Variants in CFAP47 observed in about 807,000 individuals in gnomAD.
The protein encoded by CFAP47 is cilia and flagella associated protein 47, also known as cilia- and flagella-associated protein 47.
A neutral mutation model predicts 148.1 loss-of-function variants in CFAP47; 29 were observed. The ratio of observed to expected loss-of-function variants is 0.20; its 90% CI spans 0.15 to 0.27. The LOEUF (loss-of-function observed/expected upper bound fraction) is 0.27. Ranked by LOEUF, CFAP47 falls within the 10% of genes least tolerant of loss-of-function variation. The pLI is 1.00. For synonymous variants in CFAP47, 664 were observed against 577.3 expected (o/e 1.15, Z -2.15); for missense variants, 1,872 against 1,697.5 (o/e 1.10, Z -1.81).
intron 57 of CFAP47, among the ~76,000 whole-genome samples, chrX:36,328,831 A>AAG (rs1556013574): frequency 9.2e-6 from 1 of 108,739 alleles, no homozygotes; most frequent in African/African-American, 3.3e-5. Context: ...AAAAAAAAAA[A>AAG]AAAAGAAAAG....
At chrX:36,194,255 A>G (rs1185332558) in intron 42 of CFAP47, among the ~76,000 whole-genome samples, 1 of 111,343 alleles carries the variant, frequency 9.0e-6, no homozygotes, top group Non-Finnish European at 1.9e-5. Context: ...TGATCCCTGC[A>G]CTCAAGGGAC....
At chrX:36,014,624 C>T (rs1369123467) in intron 21 of CFAP47, 150 bp from the exon 22 acceptor site, 1 of 235,446 alleles carries the variant, frequency 4.2e-6, no homozygotes, top group Non-Finnish European at 7.5e-6. Context: ...TAAAAATGAA[C>T]CATCTTTTTT....
intron 2 of CFAP47, among the ~76,000 whole-genome samples, chrX:35,931,952 T>C (rs1264128523): frequency 9.1e-6 from 1 of 110,447 alleles, no homozygotes; most frequent in East Asian, 2.9e-4. Flanking sequence ...CTTTGCTATT[T>C]CCATTGCTCC....
intron 28 of CFAP47, among the ~76,000 whole-genome samples, 197 bp downstream of exon 28, chrX:36,072,168 C>A (rs934502979): frequency 4.5e-5 from 5 of 112,022 alleles, no homozygotes; most frequent in African/African-American, 1.6e-4. Flanking sequence ...CTCTAATGTT[C>A]TTGGTTCACA....
At chrX:35,942,477 G>A (rs1018215351) in intron 3 of CFAP47, among the ~76,000 whole-genome samples, 4 of 111,395 alleles carry the variant, frequency 3.6e-5, no homozygotes, top group East Asian at 2.8e-4. Flanking sequence ...AATTAGGCTC[G>A]TTTGTGGCCT....
chrX:36,091,654 G>A (rs1938188056), intron 30 of CFAP47, among the ~76,000 whole-genome samples: 1 of 111,020 alleles, frequency 9.0e-6, no homozygotes, highest in African/African-American at 3.3e-5. Context: ...CTTTATGTAG[G>A]CAGTATGATT....
chrX:36,021,054 A>T (rs1398113670), intron 22 of CFAP47, among the ~76,000 whole-genome samples: 2 of 111,297 alleles, frequency 1.8e-5, no homozygotes, highest in African/African-American at 3.3e-5. Context: ...TTTTAAGCTA[A>T]TAACAAGGTA....
At chrX:36,082,597 T>C (rs1353705713) in intron 29 of CFAP47, among the ~76,000 whole-genome samples, 1 of 111,286 alleles carries the variant, frequency 9.0e-6, no homozygotes, top group Non-Finnish European at 1.9e-5. Flanking sequence ...TACATGTAGG[T>C]GCTGTCCCAG....
chrX:36,208,795 G>A (rs1940068298), intron 45 of CFAP47, among the ~76,000 whole-genome samples: 1 of 110,330 alleles, frequency 9.1e-6, no homozygotes, highest in South Asian at 3.8e-4. Context: ...GTGAAACCCC[G>A]TCTCTACTAA....
chrX:36,083,870 A>G (rs1001707941), intron 29 of CFAP47, among the ~76,000 whole-genome samples: 1 of 111,243 alleles, frequency 9.0e-6, no homozygotes, highest in Non-Finnish European at 1.9e-5. Flanking sequence ...GTTTAATACT[A>G]TTATTTTTGT....
chrX:36,005,627 A>G (rs191949282), intron 21 of CFAP47, among the ~76,000 whole-genome samples: 49 of 112,060 alleles, frequency 4.4e-4, no homozygotes, highest in Admixed American at 4.0e-3. Flanking sequence ...CAGTAAGTCT[A>G]AAACAACTAA....
chrX:36,149,185 C>G lies in CFAP47; in HGVS notation c.5748C>G (p.Ser1916=). 3.4e-6 allele frequency: 1 copy of G among 296,317 alleles called. No individual in the cohort carries two copies. Among genetic ancestry groups the G allele is most frequent in the Non-Finnish European group, 5.9e-6 (1 of 169,691 alleles). 24.4% of individuals were successfully genotyped at this position (296,317 alleles called of 1,213,427 possible). Residue 1916 remains serine, a synonymous_variant, in exon 37 of 64, where the codon TCC becomes TCG. Coordinates refer to ENST00000378653, the MANE Select transcript of CFAP47 (RefSeq NM_001304548.2). ...TTGGAAGAGATGCTGCTGACTTCTC[C>G]CTTTCCCAAAAAGGGAATGTTGTGA... ...RIVGRDAADF[S]LSQKGNVVTI...
chrX:35,994,307 T>C (rs1157271200), intron 18 of CFAP47, among the ~76,000 whole-genome samples: 1 of 111,962 alleles, frequency 8.9e-6, no homozygotes, highest in Non-Finnish European at 1.9e-5. Flanking sequence ...TAGGCACTTC[T>C]GTAAGTGATA....
intron 50 of CFAP47, among the ~76,000 whole-genome samples, chrX:36,283,659 A>G (rs1941102638): frequency 8.9e-6 from 1 of 111,864 alleles, no homozygotes; most frequent in Non-Finnish European, 1.9e-5. Flanking sequence ...ACCTACCCCA[A>G]TATACTTCAG....
intron 57 of CFAP47, among the ~76,000 whole-genome samples, chrX:36,337,113 T>TTATTGAA (rs1330479744): frequency 3.6e-5 from 4 of 112,298 alleles, no homozygotes; most frequent in Non-Finnish European, 7.5e-5. Context: ...GCTGCTGATT[T>TTATTGAA]TATTGAAAAA....
chrX:35,967,087 C>T (rs1332216030), intron 9 of CFAP47, among the ~76,000 whole-genome samples: 1 of 110,989 alleles, frequency 9.0e-6, no homozygotes, highest in Non-Finnish European at 1.9e-5. Flanking sequence ...TACAATGTTC[C>T]CAGTAGATGC....
chrX:36,351,696 T>C (rs1941744055), intron 59 of CFAP47, among the ~76,000 whole-genome samples: 1 of 112,187 alleles, frequency 8.9e-6, no homozygotes, highest in Non-Finnish European at 1.9e-5. Context: ...GTGAGTTCTG[T>C]AAATAGCTTG....
intron 23 of CFAP47, among the ~76,000 whole-genome samples, chrX:36,034,826 A>G (rs1453958792): frequency 9.0e-6 from 1 of 111,272 alleles, no homozygotes; most frequent in Non-Finnish European, 1.9e-5. Flanking sequence ...AATGATATTT[A>G]GAAACCAAGG....
chrX:36,219,747 GC>G (rs199684293), intron 45 of CFAP47, among the ~76,000 whole-genome samples: 3,066 of 110,933 alleles, frequency 0.028, 86 homozygotes, highest in African/African-American at 0.094. Flanking sequence ...TAACCTAGAA[GC>G]CCCCTCCCCT....
Sources: gnomAD v4.1 joint callset for allele counts (sites outside exome capture counted in the v4.1 genomes callset) on GRCh38, gnomAD v4.1.1 for gene constraint, MANE v1.5 for transcripts, NCBI Gene and HGNC (gene_info 2026-07-23, HGNC 2026-07-21) for gene names.